ANXA8: variants seen among roughly 807,000 people sequenced by gnomAD.
The protein encoded by ANXA8 is VAC-beta.
ANXA8 carries 9 observed loss-of-function variants against 26.8 expected under a neutral mutation model. That is an observed-to-expected ratio of 0.34 (90% CI 0.20 to 0.59). The LOEUF is 0.59. Ranked by LOEUF, ANXA8 falls within the 20% of genes least tolerant of loss-of-function variation. The probability of loss-of-function intolerance (pLI) is 0.84; values close to 1 mark genes in which losing one functional copy is unlikely to be tolerated. For missense variants in ANXA8, 83 were observed against 238.5 expected (o/e 0.35, Z 4.29); for synonymous variants, 39 against 94.8 (o/e 0.41, Z 3.42).
the ANXA8 span, among the ~76,000 whole-genome samples, chr10:47,694,788 C>T: frequency 6.6e-6 from 1 of 151,568 alleles, no homozygotes; most frequent in Non-Finnish European, 1.5e-5. Flanking sequence ...AGACAGTTTG[C>T]TATTATAACT....
the ANXA8 span, among the ~76,000 whole-genome samples, chr10:47,658,063 A>G: frequency 1.3e-5 from 2 of 151,798 alleles, no homozygotes; most frequent in East Asian, 1.9e-4. Context: ...TCCATCTGTC[A>G]GTATGTTCAA....
At chr10:47,680,391 T>C in the ANXA8 span, among the ~76,000 whole-genome samples, 1 of 151,898 alleles carries the variant, frequency 6.6e-6, no homozygotes, top group South Asian at 2.1e-4. Flanking sequence ...TTCCAGCACT[T>C]TGGGAGTCTG....
the ANXA8 span, among the ~76,000 whole-genome samples, chr10:47,621,899 A>G: frequency 1.7e-5 from 1 of 58,552 alleles, no homozygotes; most frequent in African/African-American, 1.3e-4. Context: ...TTAAAATAAT[A>G]GCGTTGTGAG....
chr10:47,555,574 G>A, the ANXA8 span, among the ~76,000 whole-genome samples: 1 of 151,942 alleles, frequency 6.6e-6, no homozygotes, highest in Non-Finnish European at 1.5e-5. Context: ...AACTCCCAAA[G>A]TTTTATCAGT....
the ANXA8 span, chr10:47,991,795 G>A: frequency 2.5e-6 from 4 of 1,610,112 alleles, no homozygotes; most frequent in Non-Finnish European, 3.4e-6. Flanking sequence ...CAGCTGAGGA[G>A]TGAGCAGGCC....
chr10:47,628,386 A>G, the ANXA8 span, among the ~76,000 whole-genome samples: 45 of 151,818 alleles, frequency 3.0e-4, no homozygotes, highest in Admixed American at 2.6e-3. Flanking sequence ...TTCAAGATAA[A>G]CATTTTTATA....
At chr10:47,551,259 T>G in the ANXA8 span, among the ~76,000 whole-genome samples, 29 of 151,612 alleles carry the variant, frequency 1.9e-4, no homozygotes, top group Non-Finnish European at 2.5e-4. Context: ...GTAACTTGTT[T>G]TCTTGACCTC....
chr10:47,561,005 CTTAATA>C, the ANXA8 span, among the ~76,000 whole-genome samples: 1 of 151,272 alleles, frequency 6.6e-6, no homozygotes, highest in Non-Finnish European at 1.5e-5. Context: ...AAGGATTCAT[CTTAATA>C]TTATTTACAA....
the ANXA8 span, among the ~76,000 whole-genome samples, chr10:47,707,718 C>A: frequency 9.6e-6 from 1 of 104,158 alleles, no homozygotes; most frequent in Non-Finnish European, 2.1e-5. Flanking sequence ...AGTCAAAAAA[C>A]GACAGATGTT....
the ANXA8 span, among the ~76,000 whole-genome samples, chr10:47,932,323 C>T: frequency 6.6e-6 from 1 of 150,632 alleles, no homozygotes; most frequent in African/African-American, 2.4e-5. Flanking sequence ...CAGGGAGGCC[C>T]ATCTGTGGGG....
At chr10:47,699,410 G>C in the ANXA8 span, among the ~76,000 whole-genome samples, 1 of 143,992 alleles carries the variant, frequency 6.9e-6, no homozygotes, top group African/African-American at 2.6e-5. Context: ...AAAGAAGAAT[G>C]AAAATTATCT....
chr10:47,647,298 T>G, the ANXA8 span, among the ~76,000 whole-genome samples: 1 of 151,850 alleles, frequency 6.6e-6, no homozygotes, highest in African/African-American at 2.4e-5. Context: ...TACTTTTTTT[T>G]GTTTATTTAT....
chr10:47,726,652 AT>A, the ANXA8 span, among the ~76,000 whole-genome samples: 3 of 152,296 alleles, frequency 2.0e-5, no homozygotes, highest in Non-Finnish European at 4.4e-5. Flanking sequence ...GTAATTTATC[AT>A]TTGAAGCTCT....
chr10:47,516,662 C>T, the ANXA8 span, among the ~76,000 whole-genome samples: 2 of 136,294 alleles, frequency 1.5e-5, no homozygotes, highest in African/African-American at 2.9e-5. Flanking sequence ...GGGAAACCCA[C>T]GCTATATTGA....
At chr10:47,680,662 A>G in the ANXA8 span, among the ~76,000 whole-genome samples, 2 of 152,116 alleles carry the variant, frequency 1.3e-5, no homozygotes, top group Non-Finnish European at 2.9e-5. Context: ...ATTGTACCCC[A>G]TAAGTATGTA....
At chr10:47,669,558 T>C in the ANXA8 span, among the ~76,000 whole-genome samples, 7 of 151,732 alleles carry the variant, frequency 4.6e-5, no homozygotes, top group Non-Finnish European at 7.4e-5. Context: ...GTCTCTACTA[T>C]AGAAAAATTA....
chr10:47,720,125 T>C, the ANXA8 span: 4,151 of 1,157,370 alleles, frequency 3.6e-3, 136 homozygotes, highest in Non-Finnish European at 3.9e-3. Context: ...AAAACTAGTC[T>C]GTAAACTCTT....
chr10:47,948,345 C>T, the ANXA8 span, among the ~76,000 whole-genome samples: 1 of 107,242 alleles, frequency 9.3e-6, no homozygotes, highest in African/African-American at 4.1e-5. Context: ...AAATAGCACA[C>T]AAAGGATTGA....
the ANXA8 span, among the ~76,000 whole-genome samples, chr10:47,585,477 G>A: frequency 7.5e-5 from 10 of 132,962 alleles, no homozygotes; most frequent in African/African-American, 2.7e-4. Context: ...GGGTTCTCAG[G>A]GGATCCCGTG....
Sources: allele counts gnomAD v4.1 joint callset (sites outside exome capture counted in the v4.1 genomes callset), GRCh38; gene constraint gnomAD v4.1.1; transcripts MANE v1.5; gene names NCBI Gene and HGNC (gene_info 2026-07-23, HGNC 2026-07-21).